Variants in TRAPPC9 observed in about 807,000 individuals in gnomAD.
TRAPPC9 encodes the protein IKK2 binding protein.
Under a neutral mutation model 124.0 loss-of-function variants are expected in TRAPPC9, and 83 were observed. The observed-to-expected ratio is 0.67, with a 90% CI of 0.56 to 0.80. The LOEUF is 0.80. TRAPPC9 is among the 30% of genes least tolerant of loss of function. The pLI, the probability that TRAPPC9 is intolerant of heterozygous loss-of-function variation, is 0.00. For missense variants in TRAPPC9, 1,302 were observed against 1,508.3 expected (o/e 0.86, Z 2.27); for synonymous variants, 638 against 617.5 (o/e 1.03, Z -0.49).
chr8:140,440,070 T>C (rs550027742), intron 2 of TRAPPC9, among the ~76,000 whole-genome samples: 1 of 152,348 alleles, frequency 6.6e-6, no homozygotes, highest in East Asian at 1.9e-4. Flanking sequence ...GAATTTAGCA[T>C]TTCCATTCTG....
intron 21 of TRAPPC9, among the ~76,000 whole-genome samples, chr8:139,740,997 A>G (rs1818516166): frequency 6.6e-6 from 1 of 152,060 alleles, no homozygotes; most frequent in South Asian, 2.1e-4. Flanking sequence ...TTGATTCCAC[A>G]GCTTGGGACT....
intron 21 of TRAPPC9, among the ~76,000 whole-genome samples, chr8:139,816,524 C>T (rs1001321073): frequency 2.6e-5 from 4 of 152,120 alleles, no homozygotes; most frequent in Non-Finnish European, 4.4e-5. Flanking sequence ...CCACAGGGGC[C>T]GACCCAGAGG....
chr8:139,801,651 C>T (rs1823538947), intron 21 of TRAPPC9, among the ~76,000 whole-genome samples: 2 of 152,190 alleles, frequency 1.3e-5, no homozygotes, highest in South Asian at 4.1e-4. Context: ...CCTGTTCCAG[C>T]CAGGAGGCAC....
intron 15 of TRAPPC9, among the ~76,000 whole-genome samples, chr8:140,263,531 G>A (rs74884064): frequency 0.011 from 1,611 of 152,296 alleles, 27 homozygotes; most frequent in African/African-American, 0.036. Context: ...TTTTTATAAG[G>A]TGACAATGGC....
intron 15 of TRAPPC9, among the ~76,000 whole-genome samples, chr8:140,259,497 C>A (rs1423553992): frequency 6.6e-6 from 1 of 152,200 alleles, no homozygotes; most frequent in Non-Finnish European, 1.5e-5. Context: ...CTGGCTCCGG[C>A]CGGCTATCCT....
intron 17 of TRAPPC9, among the ~76,000 whole-genome samples, chr8:140,079,573 T>C (rs1843698281): frequency 6.6e-6 from 1 of 152,214 alleles, no homozygotes; most frequent in South Asian, 2.1e-4. Context: ...ACCTGGACTA[T>C]TGTTCTCCCC....
chr8:140,160,340 T>C (rs974339298), intron 17 of TRAPPC9, among the ~76,000 whole-genome samples: 1 of 152,166 alleles, frequency 6.6e-6, no homozygotes, highest in African/African-American at 2.4e-5. Context: ...TAAAGACACA[T>C]GCACACGTAT....
intron 16 of TRAPPC9, among the ~76,000 whole-genome samples, chr8:140,235,252 C>T (rs777153200): frequency 6.6e-6 from 1 of 152,128 alleles, no homozygotes; most frequent in Non-Finnish European, 1.5e-5. Context: ...GGATTACAGG[C>T]GTGAGCCACC....
At chr8:139,978,457 TAA>T (rs1339840905) in intron 19 of TRAPPC9, among the ~76,000 whole-genome samples, 1 of 152,206 alleles carries the variant, frequency 6.6e-6, no homozygotes, top group Non-Finnish European at 1.5e-5. Flanking sequence ...TTGTGACATT[TAA>T]AAAGAGTTAC....
intron 21 of TRAPPC9, among the ~76,000 whole-genome samples, chr8:139,861,628 T>C (rs1216095331): frequency 6.6e-6 from 1 of 151,996 alleles, no homozygotes; most frequent in Non-Finnish European, 1.5e-5. Context: ...AAAAGAAACT[T>C]GGGGTTCACT....
intron 11 of TRAPPC9, chr8:140,291,280 G>C (rs377036045): frequency 5.1e-4 from 326 of 639,868 alleles, no homozygotes; most frequent in African/African-American, 4.9e-3. Flanking sequence ...CTGGCACTTT[G>C]ATGCCACATG....
In TRAPPC9 at chr8:140,124,299, C is replaced by T. The variant is rs75268658; in HGVS notation, c.2556+97160G>A. Among the ~76,000 whole-genome samples, 582 of 152,292 alleles carry T rather than the reference C, an allele frequency of 3.8e-3. 4 individuals carry two copies. The highest frequency in any genetic ancestry group is 0.013 in the African/African-American group (540 of 41,560). The stretch of plus-strand genomic sequence containing the variant: ...CCTTCCAGTTTCTGGAGGCTGCCTG[C>T]TCTCCCTGGCTGTGGCCCCTTGCTG... On this transcript the variant is annotated intron_variant, in intron 17 of 22. Coordinates refer to ENST00000438773, the MANE Select transcript of TRAPPC9 (RefSeq NM_001160372.4).
chr8:139,830,613 C>T (rs189951638), intron 21 of TRAPPC9, among the ~76,000 whole-genome samples: 16 of 151,644 alleles, frequency 1.1e-4, no homozygotes, highest in Admixed American at 5.3e-4. Flanking sequence ...ATACACCACA[C>T]GCATACACAC....
At chr8:140,060,979 G>A (rs1842573838) in intron 17 of TRAPPC9, among the ~76,000 whole-genome samples, 1 of 152,208 alleles carries the variant, frequency 6.6e-6, no homozygotes, top group Non-Finnish European at 1.5e-5. Context: ...TAACATTACA[G>A]GTCAGCATTT....
At chr8:140,332,226 C>T (rs895424149) in intron 9 of TRAPPC9, among the ~76,000 whole-genome samples, 4 of 152,096 alleles carry the variant, frequency 2.6e-5, no homozygotes, top group African/African-American at 9.7e-5. Flanking sequence ...TAAAATAAGC[C>T]AGGCACAGAA....
intron 21 of TRAPPC9, among the ~76,000 whole-genome samples, chr8:139,855,091 C>G (rs1223474555): frequency 2.0e-5 from 3 of 152,320 alleles, no homozygotes; most frequent in Admixed American, 6.5e-5. Context: ...GACGCTGCCT[C>G]CTCCACAAAC....
At chr8:140,290,388 G>A (rs1307293161) in intron 12 of TRAPPC9, among the ~76,000 whole-genome samples, 5 of 152,172 alleles carry the variant, frequency 3.3e-5, no homozygotes, top group Non-Finnish European at 5.9e-5. Context: ...GGGAGGGCCC[G>A]CTCTGAAAAC....
intron 19 of TRAPPC9, chr8:139,913,947 T>A (rs1831930697): frequency 6.6e-6 from 1 of 152,566 alleles, no homozygotes; most frequent in South Asian, 2.1e-4. Flanking sequence ...GCCCTGTGAC[T>A]GTTAACCCGG....
At chr8:140,274,504 G>A (rs1344818341) in intron 15 of TRAPPC9, among the ~76,000 whole-genome samples, 2 of 152,308 alleles carry the variant, frequency 1.3e-5, no homozygotes, top group Non-Finnish European at 2.9e-5. Flanking sequence ...GCAAAGCTTC[G>A]TGCTTTACTT....
Sources: allele counts gnomAD v4.1 joint callset (sites outside exome capture counted in the v4.1 genomes callset), GRCh38; gene constraint gnomAD v4.1.1; transcripts MANE v1.5; gene names NCBI Gene and HGNC (gene_info 2026-07-23, HGNC 2026-07-21).